UQCC1: variants seen among roughly 807,000 people sequenced by gnomAD.
The protein encoded by UQCC1 is ubiquinol-cytochrome c reductase complex assembly factor 1.
UQCC1 carries 38 observed loss-of-function variants against 48.0 expected under a neutral mutation model. The observed-to-expected ratio is 0.79, with a 90% CI of 0.61 to 1.04. The LOEUF (loss-of-function observed/expected upper bound fraction) is 1.04. Ranked by LOEUF, UQCC1 falls within the 50% of genes least tolerant of loss-of-function variation. UQCC1 has a pLI of 0.00. For synonymous variants in UQCC1, 111 were observed against 129.2 expected, an observed-to-expected ratio of 0.86 and a Z score of 0.95; for missense variants, 368 against 381.8, an observed-to-expected ratio of 0.96 and a Z score of 0.30.
At chr20:35,318,338 T>C (rs1001196503) in intron 7 of UQCC1, among the ~76,000 whole-genome samples, 2 of 152,252 alleles carry the variant, frequency 1.3e-5, no homozygotes, top group African/African-American at 2.4e-5. Context: ...ACCTGATTTC[T>C]GGGTAAGTGC....
chr20:35,376,316 A>T (rs1440419105), intron 4 of UQCC1, among the ~76,000 whole-genome samples: 2 of 152,098 alleles, frequency 1.3e-5, no homozygotes, highest in Non-Finnish European at 2.9e-5. Context: ...TCAAAAAAAA[A>T]ATCAATAAAA....
At chr20:35,392,779 G>A (rs2062028603) in intron 2 of UQCC1, among the ~76,000 whole-genome samples, 1 of 151,456 alleles carries the variant, frequency 6.6e-6, no homozygotes, top group African/African-American at 2.4e-5. Flanking sequence ...TTAATTGGAG[G>A]GAATTTTTAA....
chr20:35,324,388 G>A (rs1032181463), intron 7 of UQCC1, among the ~76,000 whole-genome samples: 4 of 152,054 alleles, frequency 2.6e-5, no homozygotes, highest in South Asian at 2.1e-4. Context: ...GTGCCGTGGC[G>A]CCATCTCTGC....
In UQCC1 at chr20:35,304,017, AC is replaced by A. The variant is rs2060899851; in HGVS notation, c.817del (p.Val273Ter). On this transcript the variant is annotated frameshift_variant, in exon 10 of 10. Coordinates refer to ENST00000374385, the MANE Select transcript of UQCC1 (RefSeq NM_018244.5). LOFTEE classifies it high-confidence loss of function. ...CTTCTCCACTAGAGGGCGCCAGCTCACCTCCCCTGTCAGAAGCAGATCCTCC... is the reference window on the plus strand; with the variant it reads ...CTTCTCCACTAGAGGGCGCCAGCTCACTCCCCTGTCAGAAGCAGATCCTCC... ...NGEDLLLTGE[V>X]SWRPLVEKNP... 11 of 1,613,864 alleles carry A rather than the reference AC, an allele frequency of 6.8e-6. No homozygotes were observed. The highest frequency in any genetic ancestry group is 9.3e-6 in the Non-Finnish European group (11 of 1,179,950).
chr20:35,311,054 CTACAAGG>C (rs967080388), intron 8 of UQCC1, among the ~76,000 whole-genome samples: 1 of 152,012 alleles, frequency 6.6e-6, no homozygotes. Context: ...GAGGGAGTGC[CTACAAGG>C]TACACCAGGC....
intron 7 of UQCC1, among the ~76,000 whole-genome samples, chr20:35,340,509 C>A (rs2061365266): frequency 6.6e-6 from 1 of 152,180 alleles, no homozygotes; most frequent in African/African-American, 2.4e-5. Flanking sequence ...GTTACACTCA[C>A]ACTTTTTTCC....
chr20:35,309,238 G>A (rs1307967121), intron 8 of UQCC1: 2 of 446,582 alleles, frequency 4.5e-6, no homozygotes, highest in East Asian at 7.1e-5. Context: ...TTCAAGACCA[G>A]CCTGGACAAC....
At chr20:35,409,880 A>C (rs2062320427) in intron 1 of UQCC1, among the ~76,000 whole-genome samples, 1 of 151,778 alleles carries the variant, frequency 6.6e-6, no homozygotes, top group South Asian at 2.1e-4. Context: ...ATCTCAGCTC[A>C]CTGCAACCTC....
intron 1 of UQCC1, among the ~76,000 whole-genome samples, chr20:35,402,532 C>T (rs1421119018): frequency 3.3e-5 from 5 of 151,168 alleles, no homozygotes; most frequent in African/African-American, 7.3e-5. Context: ...GAGCTGAGAT[C>T]GCACCACTGC....
intron 7 of UQCC1, among the ~76,000 whole-genome samples, chr20:35,329,635 A>G (rs1436127559): frequency 1.3e-5 from 2 of 152,234 alleles, no homozygotes; most frequent in Non-Finnish European, 2.9e-5. Context: ...GGGCAGCTGA[A>G]AGAAACATCT....
intron 6 of UQCC1, among the ~76,000 whole-genome samples, chr20:35,353,790 T>TA (rs879391502): frequency 6.8e-4 from 97 of 143,688 alleles, no homozygotes; most frequent in Non-Finnish European, 8.3e-4. Context: ...AGACCCTGTC[T>TA]AAAAAAAAAA....
At chr20:35,382,263 C>A (rs370054748) in intron 3 of UQCC1, among the ~76,000 whole-genome samples, 1 of 151,800 alleles carries the variant, frequency 6.6e-6, no homozygotes, top group Non-Finnish European at 1.5e-5. Context: ...CACGCCATCA[C>A]GCCAAGTCAA....
rs1600932716 is a variant in UQCC1, at chr20:35,355,274, T to C, written c.465-8002A>G. Among the ~76,000 whole-genome samples the C allele has an allele frequency of 2.0e-5, 3 of 152,326 alleles. 1 individual carries two copies. In the South Asian group the frequency reaches 6.2e-4, roughly 32 times the overall value. ...ACTCTACCGCAAATCTCATTACACA[T>C]AAAGTTGTAAGACCAAAGGCAAAGA... is the stretch of plus-strand genomic sequence containing the variant. On this transcript the variant is annotated intron_variant, in intron 6 of 9. Coordinates refer to ENST00000374385, the MANE Select transcript of UQCC1 (RefSeq NM_018244.5).
At chr20:35,305,418 T>TG (rs144082416) in intron 9 of UQCC1, among the ~76,000 whole-genome samples, 1,977 of 152,344 alleles carry the variant, frequency 0.013, 34 homozygotes, top group African/African-American at 0.045. Flanking sequence ...TGTGTCTTGT[T>TG]GGGGCTTCTG....
chr20:35,334,445 C>A (rs1232266581), intron 7 of UQCC1, among the ~76,000 whole-genome samples: 1 of 152,178 alleles, frequency 6.6e-6, no homozygotes, highest in African/African-American at 2.4e-5. Flanking sequence ...CATACCAACT[C>A]GGTGCCTTTA....
intron 6 of UQCC1, among the ~76,000 whole-genome samples, chr20:35,362,719 C>T (rs541494948): frequency 2.2e-4 from 33 of 151,714 alleles, no homozygotes; most frequent in African/African-American, 7.3e-4. Context: ...CATGTGTGTG[C>T]GTGTGTGTGT....
chr20:35,356,016 T>C (rs528873563), intron 6 of UQCC1, among the ~76,000 whole-genome samples: 98 of 152,138 alleles, frequency 6.4e-4, no homozygotes, highest in African/African-American at 2.3e-3. Flanking sequence ...CCCAAGTAGC[T>C]GGGACTTCAA....
intron 7 of UQCC1, among the ~76,000 whole-genome samples, chr20:35,330,856 G>A (rs181897753): frequency 9.2e-5 from 14 of 151,942 alleles, no homozygotes; most frequent in African/African-American, 2.7e-4. Flanking sequence ...CTGCATTGGA[G>A]CCTGCTGGTT....
intron 5 of UQCC1, among the ~76,000 whole-genome samples, chr20:35,367,685 G>C (rs2061685106): frequency 6.6e-6 from 1 of 152,172 alleles, no homozygotes; most frequent in Non-Finnish European, 1.5e-5. Context: ...ACTTGAGCCA[G>C]GGAGGTAGAG....
Sources: allele counts gnomAD v4.1 joint callset (sites outside exome capture counted in the v4.1 genomes callset), GRCh38; gene constraint gnomAD v4.1.1; transcripts MANE v1.5; gene names NCBI Gene and HGNC (gene_info 2026-07-23, HGNC 2026-07-21).